Variants in FANCA observed in about 807,000 individuals in gnomAD.
The protein encoded by FANCA is Fanconi anemia group A protein.
A neutral mutation model predicts 194.3 loss-of-function variants in FANCA; 236 were observed. The observed-to-expected ratio is 1.21, with a 90% CI of 1.09 to 1.35. The LOEUF (loss-of-function observed/expected upper bound fraction) is 1.35, where lower values mean the gene tolerates loss of function less well. FANCA is among the 40% of genes most tolerant of loss of function. FANCA has a pLI of 0.00. For missense variants in FANCA, 2,628 were observed against 1,813.9 expected (o/e 1.45, Z -8.15); for synonymous variants, 1,014 against 715.8 (o/e 1.42, Z -6.65).
In FANCA at chr16:89,799,003, TC is replaced by T. The variant is rs1317979132; in HGVS notation, c.893+162del. On this transcript the variant is annotated intron_variant, in intron 10 of 42. Transcript: ENST00000389301. ...GCTGACCAGAGCGTTCCCCGGGCTT[TC>T]CCATGGTCGCCTCCTCCTCACGCAC... 10 of 1,614,150 alleles carry T rather than the reference TC, an allele frequency of 6.2e-6. No individual in the cohort carries two copies. The East Asian group carries it at 2.2e-4, about 36-fold the overall frequency.
At chr16:89,743,239 G>T (rs936244316) in intron 36 of FANCA, among the ~76,000 whole-genome samples, 3 of 152,286 alleles carry the variant, frequency 2.0e-5, no homozygotes, top group Admixed American at 6.5e-5. Flanking sequence ...CTACATTTTG[G>T]AAGAAGAGGC....
intron 26 of FANCA, among the ~76,000 whole-genome samples, chr16:89,768,714 A>G (rs2039215848): frequency 1.3e-5 from 2 of 152,030 alleles, no homozygotes; most frequent in African/African-American, 2.4e-5. Context: ...CCAAATATAT[A>G]TTTCATTCTC....
At chr16:89,766,287 G>A (rs928061642) in intron 27 of FANCA, among the ~76,000 whole-genome samples, 7 of 151,072 alleles carry the variant, frequency 4.6e-5, no homozygotes, top group East Asian at 4.0e-4. Flanking sequence ...GAGCCACCAC[G>A]CCCAGCCTGA....
chr16:89,770,061 T>A, intron 25 of FANCA, 37 bp from the exon 26 acceptor site: 1 of 1,603,034 alleles, frequency 6.2e-7, no homozygotes, highest in Non-Finnish European at 8.5e-7. Context: ...CAGACTGCCC[T>A]CTTCCAAGCT....
rs35933909 is a variant in FANCA at position 89,791,629 on chromosome 16, G to A, written c.1226-93C>T. On this transcript the variant is annotated intron_variant, in intron 13 of 42. Coordinates refer to ENST00000389301, the MANE Select transcript of FANCA (RefSeq NM_000135.4). ...GCTGGGTGATCAAGTATTCCAGAAG[G>A]AGACTGTGCACACCCAAACACCAAG... 1,479 of 1,547,146 alleles carry A rather than the reference G, an allele frequency of 9.6e-4. 12 individuals carry two copies. The African/African-American group carries it at 0.018, about 19-fold the overall frequency.
intron 21 of FANCA, among the ~76,000 whole-genome samples, chr16:89,774,558 G>A (rs1039849894): frequency 1.8e-4 from 27 of 151,258 alleles, no homozygotes; most frequent in African/African-American, 6.5e-4. Flanking sequence ...GTGAAACCCT[G>A]TCTCTACTAA....
At chr16:89,796,580 A>ATC (rs2040256497) in intron 10 of FANCA, among the ~76,000 whole-genome samples, 1 of 152,220 alleles carries the variant, frequency 6.6e-6, no homozygotes, top group South Asian at 2.1e-4. Context: ...ATGGGGTCAC[A>ATC]GAGCCAGGTG....
At chr16:89,753,505 AAAAT>A (rs993429212) in intron 30 of FANCA, among the ~76,000 whole-genome samples, 1 of 152,246 alleles carries the variant, frequency 6.6e-6, no homozygotes, top group Non-Finnish European at 1.5e-5. Flanking sequence ...AGTTATCAAT[AAAAT>A]AAAAAGCAAA....
chr16:89,755,015 A>G (rs938473200), intron 30 of FANCA, among the ~76,000 whole-genome samples: 1 of 152,180 alleles, frequency 6.6e-6, no homozygotes, highest in African/African-American at 2.4e-5. Flanking sequence ...CTTCATCCCA[A>G]TGACGCAGTG....
chr16:89,786,111 C>T (rs1442747335), intron 14 of FANCA, among the ~76,000 whole-genome samples: 5 of 151,220 alleles, frequency 3.3e-5, no homozygotes, highest in East Asian at 2.0e-4. Flanking sequence ...CTCTGCCTCC[C>T]GGGTTCAAGT....
intron 37 of FANCA, among the ~76,000 whole-genome samples, chr16:89,741,844 G>A (rs764609814): frequency 3.3e-4 from 50 of 152,328 alleles, no homozygotes; most frequent in South Asian, 1.0e-3. Flanking sequence ...GAACACAGAA[G>A]GCACCACTTG....
intron 28 of FANCA, chr16:89,762,761 G>T: frequency 2.2e-6 from 1 of 452,594 alleles, no homozygotes; most frequent in Non-Finnish European, 4.4e-6. Context: ...CTCTCAGATG[G>T]CTGGGACTGC....
intron 6 of FANCA, among the ~76,000 whole-genome samples, chr16:89,806,570 T>G (rs1206561334): frequency 6.6e-6 from 1 of 151,870 alleles, no homozygotes; most frequent in Non-Finnish European, 1.5e-5. Flanking sequence ...CATGCTGCCT[T>G]CAAGCATCTG....
At chr16:89,799,382 T>C in intron 9 of FANCA, 150 bp from the exon 10 acceptor site, 3 of 1,018,236 alleles carry the variant, frequency 2.9e-6, no homozygotes, top group Non-Finnish European at 4.5e-6. Context: ...TAGGCCTTAA[T>C]CAAAACACAC....
At chr16:89,763,581 G>T (rs2039023396) in intron 28 of FANCA, among the ~76,000 whole-genome samples, 2 of 152,086 alleles carry the variant, frequency 1.3e-5, no homozygotes, top group Non-Finnish European at 2.9e-5. Flanking sequence ...CAGTAACCAG[G>T]CACACATGGG....
intron 24 of FANCA, 42 bp from the exon 25 acceptor site, chr16:89,770,301 T>C: frequency 6.7e-7 from 1 of 1,482,886 alleles, no homozygotes; most frequent in Non-Finnish European, 9.2e-7. Flanking sequence ...AGCCATTCAG[T>C]CCTGCACATC....
At chr16:89,805,558 A>C (rs1227960319) in intron 6 of FANCA, among the ~76,000 whole-genome samples, 166 bp from the exon 7 acceptor site, 1 of 151,998 alleles carries the variant, frequency 6.6e-6, no homozygotes, top group Non-Finnish European at 1.5e-5. Context: ...TCCCAGGCTC[A>C]AGCAATCCTT....
Position 89,767,166 on chromosome 16 carries a change from C to G in FANCA, c.2576G>C (p.Cys859Ser), listed in dbSNP as rs773557411. 14 of 1,613,226 alleles carry G rather than the reference C, an allele frequency of 8.7e-6. No individual in the cohort carries two copies. The South Asian group carries it at 1.4e-4, about 16-fold the overall frequency. The change falls in exon 27 of 43, where the codon TGC becomes TCC. Residue 859 changes from cysteine to serine, a missense_variant. Coordinates refer to ENST00000389301, the MANE Select transcript of FANCA (RefSeq NM_000135.4). ...CTTTTTAATAAGGCCTGGAGATAAG[C>G]AGCTGCACAAAGTATCTCGTGACTG... ...SSQSRDTLCS[C>S]LSPGLIKKFQ... is the part of the protein sequence containing the mutation.
rs568291507 is a variant in FANCA, at chr16:89,762,286, G to A, written c.2779-264C>T. Among the ~76,000 whole-genome samples, 18 of 152,258 alleles carry A rather than the reference G, an allele frequency of 1.2e-4. 1 individual carries two copies. In the South Asian group the frequency reaches 3.7e-3, roughly 32 times the overall value. On this transcript the variant is annotated intron_variant, in intron 28 of 42. Transcript: ENST00000389301. ...CGGCTATTTTAGTCTGGGCAACATA[G>A]TAAGACCTCATCTCATTTAAAAATT...
Sources: gnomAD v4.1 joint callset for allele counts (sites outside exome capture counted in the v4.1 genomes callset) on GRCh38, gnomAD v4.1.1 for gene constraint, MANE v1.5 for transcripts, NCBI Gene and HGNC (gene_info 2026-07-23, HGNC 2026-07-21) for gene names.